The following ATP10A variants were observed in gnomAD, a reference collection of about 807,000 sequenced individuals.
ATP10A encodes the protein ATPase phospholipid transporting 10A (putative).
ATP10A carries 111 observed loss-of-function variants against 147.8 expected under a neutral mutation model. The observed-to-expected ratio is 0.75, with a 90% CI of 0.64 to 0.88. The LOEUF (loss-of-function observed/expected upper bound fraction) is 0.88, where lower values mean the gene tolerates loss of function less well. Ranked by LOEUF, ATP10A falls within the 40% of genes least tolerant of loss-of-function variation. The probability of loss-of-function intolerance (pLI) is 0.00; values close to 1 mark genes in which losing one functional copy is unlikely to be tolerated. For missense variants in ATP10A, 1,927 were observed against 1,959.0 expected, an observed-to-expected ratio of 0.98 and a Z score of 0.31; for synonymous variants, 875 against 841.6, an observed-to-expected ratio of 1.04 and a Z score of -0.69.
chr15:25,711,297 A>G (rs1364706121), intron 10 of ATP10A, among the ~76,000 whole-genome samples: 1 of 152,114 alleles, frequency 6.6e-6, no homozygotes, highest in Non-Finnish European at 1.5e-5. Context: ...TGCCCTCCTC[A>G]GTTTGTCACC....
intron 14 of ATP10A, among the ~76,000 whole-genome samples, chr15:25,694,498 T>G (rs1308082148): frequency 6.6e-6 from 1 of 152,196 alleles, no homozygotes; most frequent in Non-Finnish European, 1.5e-5. Context: ...TGCCCTCTGC[T>G]GTGGCCAGGA....
chr15:25,813,809 C>T (rs1315495588), intron 1 of ATP10A, among the ~76,000 whole-genome samples: 1 of 151,598 alleles, frequency 6.6e-6, no homozygotes. Context: ...AGTTAGTGAA[C>T]TTAAAGACAA....
At chr15:25,727,782 A>G (rs1011814883) in intron 3 of ATP10A, among the ~76,000 whole-genome samples, 10 of 152,234 alleles carry the variant, frequency 6.6e-5, no homozygotes, top group African/African-American at 2.2e-4. Context: ...GTGGTCTGAA[A>G]TGTGGTAAAT....
intron 1 of ATP10A, among the ~76,000 whole-genome samples, chr15:25,797,467 G>T (rs777878670): frequency 5.9e-5 from 9 of 152,008 alleles, no homozygotes; most frequent in Admixed American, 2.0e-4. Context: ...CCTTTCAGAG[G>T]TTCTGTGCTC....
At chr15:25,842,976 C>T (rs1312880133) in intron 1 of ATP10A, among the ~76,000 whole-genome samples, 1 of 152,186 alleles carries the variant, frequency 6.6e-6, no homozygotes, top group African/African-American at 2.4e-5. Context: ...ATCTCAGCCT[C>T]CCAAAGTGCT....
chr15:25,814,272 C>G (rs1180267204), intron 1 of ATP10A, among the ~76,000 whole-genome samples: 1 of 152,244 alleles, frequency 6.6e-6, no homozygotes, highest in African/African-American at 2.4e-5. Flanking sequence ...CCGCCTAGAA[C>G]TCTGCACTGG....
intron 3 of ATP10A, among the ~76,000 whole-genome samples, chr15:25,735,358 C>T (rs1887210744): frequency 6.6e-6 from 1 of 152,054 alleles, no homozygotes; most frequent in Admixed American, 6.5e-5. Context: ...CACACACACA[C>T]TCCGATTATT....
rs1567294044 is a variant in ATP10A at position 25,679,911 on chromosome 15, C to T, written c.3930G>A (p.Leu1310=). 2.5e-6 allele frequency: 4 copies of T among 1,609,770 alleles called. No individual in the cohort carries two copies. The highest frequency in any genetic ancestry group is 2.5e-6 in the Non-Finnish European group (3 of 1,178,354). Residue 1310 remains leucine (L), a synonymous_variant, in exon 21 of 21, where the codon TTG becomes TTA. Coordinates refer to ENST00000555815, the MANE Select transcript of ATP10A (RefSeq NM_024490.4). The stretch of plus-strand genomic sequence containing the variant: ...TGCATCTCCTGGGGGACTTCCTGGT[C>T]AACTGACGTGCCAGCTGAAGTTGTG... ...FPTQLQLARQ[L]TRKSPRRCSA...
In ATP10A at chr15:25,749,341, G is replaced by A. The variant is rs909243040; in HGVS notation, c.655-13200C>T. On this transcript the variant is annotated intron_variant, in intron 2 of 20. Coordinates refer to ENST00000555815, the MANE Select transcript of ATP10A (RefSeq NM_024490.4). ...GAGATTAAAGATGGTGCAAATAAGA[G>A]AGAAATAGAGGGAACTGTGTTCTGT... Among the ~76,000 whole-genome samples, 12 of 152,172 alleles carry A rather than the reference G, an allele frequency of 7.9e-5. No homozygotes were observed. In the East Asian group the frequency reaches 1.2e-3, roughly 15 times the overall value.
At chr15:25,790,911 A>T (rs1224870527) in intron 1 of ATP10A, among the ~76,000 whole-genome samples, 1 of 152,172 alleles carries the variant, frequency 6.6e-6, no homozygotes, top group Non-Finnish European at 1.5e-5. Flanking sequence ...TGACAATCCC[A>T]GGAAATGGGC....
At chr15:25,799,366 T>C (rs930151904) in intron 1 of ATP10A, among the ~76,000 whole-genome samples, 1 of 152,124 alleles carries the variant, frequency 6.6e-6, no homozygotes, top group Non-Finnish European at 1.5e-5. Flanking sequence ...CGCTGATGTG[T>C]TGGGTGCTCA....
intron 1 of ATP10A, among the ~76,000 whole-genome samples, chr15:25,810,602 T>A (rs1426369413): frequency 1.3e-5 from 2 of 151,980 alleles, no homozygotes; most frequent in African/African-American, 2.4e-5. Context: ...AGGTTATATA[T>A]CCACCAGGGC....
intron 1 of ATP10A, among the ~76,000 whole-genome samples, chr15:25,788,569 G>A (rs1890274678): frequency 6.6e-6 from 1 of 152,212 alleles, no homozygotes; most frequent in Admixed American, 6.5e-5. Flanking sequence ...TTTTGAGCAT[G>A]GTTTTTCCTC....
chr15:25,727,306 C>T (rs772921529), intron 3 of ATP10A, 40 bp from the exon 4 acceptor site: 8 of 1,524,942 alleles, frequency 5.2e-6, no homozygotes, highest in Middle Eastern at 3.5e-4. Flanking sequence ...TGGTTGCAGG[C>T]CTGTGCCTCA....
intron 1 of ATP10A, among the ~76,000 whole-genome samples, chr15:25,827,991 A>G (rs1596629): frequency 0.93 from 141,116 of 152,202 alleles, 66,070 homozygotes; most frequent in Non-Finnish European, 1. Context: ...AAAAGAGCTG[A>G]ATTGGCTATG....
intron 5 of ATP10A, 67 bp downstream of exon 5, chr15:25,725,884 C>T: frequency 6.6e-7 from 1 of 1,526,426 alleles, no homozygotes; most frequent in Non-Finnish European, 8.9e-7. Context: ...TCCCAAAGTG[C>T]TAGGATTACG....
rs1427355142 is a variant in ATP10A at position 25,863,225 on chromosome 15, G to C, written c.-129C>G. 4.4e-5 allele frequency: 26 copies of C among 595,592 alleles called. No individual in the cohort carries two copies. Among genetic ancestry groups the C allele is most frequent in the Non-Finnish European group, 5.6e-5 (26 of 461,680 alleles). 36.9% of individuals were successfully genotyped at this position (595,592 alleles called of 1,614,324 possible). ...CGCCTGCGGGACGCACGGAGACCGC[G>C]GTCAGCGCGCCGCCTGGCCGGCCCA... On this transcript the variant is annotated 5_prime_UTR_variant, in exon 1 of 21. Transcript: ENST00000555815.
chr15:25,805,814 G>T (rs1695066906), intron 1 of ATP10A, among the ~76,000 whole-genome samples: 1 of 152,172 alleles, frequency 6.6e-6, no homozygotes, highest in South Asian at 2.1e-4. Context: ...AAGTAAACCT[G>T]TAATTCCCAC....
chr15:25,721,742 T>C lies in ATP10A; in HGVS notation c.1278A>G (p.Ser426=), dbSNP rs772062620. 6.2e-7 allele frequency: 1 copy of C among 1,614,170 alleles called. No homozygotes were observed. Among genetic ancestry groups the C allele is most frequent in the South Asian group, 1.1e-5 (1 of 91,078 alleles). ...EDLGQIQYIF[S]DKTGTLTENK... The stretch of plus-strand genomic sequence containing the variant: ...TCTCTGTCAAAGTGCCAGTTTTATC[T>C]GAGAAAATGTACTGTATCTGTCCTA... The change falls in exon 7 of 21, where the codon TCA becomes TCG. Residue 426 remains serine (S), a synonymous_variant. Transcript: ENST00000555815.
Sources: gnomAD v4.1 joint callset for allele counts (sites outside exome capture counted in the v4.1 genomes callset) on GRCh38, gnomAD v4.1.1 for gene constraint, MANE v1.5 for transcripts, NCBI Gene and HGNC (gene_info 2026-07-23, HGNC 2026-07-21) for gene names.